Variants in DUOXA1 observed in about 807,000 individuals in gnomAD.
DUOXA1 encodes dual oxidase activator 1.
DUOXA1 carries 19 observed loss-of-function variants against 26.6 expected under a neutral mutation model. The observed-to-expected ratio is 0.71, with a 90% CI of 0.50 to 1.05. The LOEUF is 1.05. Ranked by LOEUF, DUOXA1 falls within the 50% of genes least tolerant of loss-of-function variation. The pLI, the probability that DUOXA1 is intolerant of heterozygous loss-of-function variation, is 0.00. For synonymous variants in DUOXA1, 166 were observed against 177.0 expected (o/e 0.94, Z 0.49); for missense variants, 403 against 427.5 (o/e 0.94, Z 0.51).
intron 6 of DUOXA1, 64 bp downstream of exon 6, chr15:45,121,023 C>T: frequency 6.2e-7 from 1 of 1,607,322 alleles, no homozygotes; most frequent in Non-Finnish European, 8.5e-7. Flanking sequence ...TTTGACCACA[C>T]CAAACATAGA....
Position 45,119,172 on chromosome 15 carries a change from T to C in DUOXA1, c.966A>G (p.Ser322=). 2 of 1,611,796 alleles carry C rather than the reference T, an allele frequency of 1.2e-6. No homozygotes were observed. Among genetic ancestry groups the C allele is most frequent in the Non-Finnish European group, 8.5e-7 (1 of 1,178,028 alleles). ...AGTATGCCTTGGTGGAGGAAGCCTC[T>C]GACAGGGGAATGTCCTGGGACTTGG... ...DSPKSQDIPL[S]EASSTKAYCK... The change falls in exon 9 of 9, where the codon TCA becomes TCG. Residue 322 remains serine (S), a synonymous_variant. Coordinates refer to ENST00000560572, the MANE Select transcript of DUOXA1 (RefSeq NM_001276266.2).
rs1358761772 is a variant in DUOXA1, at chr15:45,121,150, C to A, written c.277G>T (p.Glu93Ter). 6.2e-7 allele frequency: 1 copy of A among 1,614,074 alleles called. No homozygotes were observed. Among genetic ancestry groups the A allele is most frequent in the Non-Finnish European group, 8.5e-7 (1 of 1,180,034 alleles). The change falls in exon 6 of 9, where the codon GAG (glutamate) becomes TAG (stop). Residue 93 changes from glutamate to a stop codon, truncating the protein, a stop_gained. Coordinates refer to ENST00000560572, the MANE Select transcript of DUOXA1 (RefSeq NM_001276266.2). LOFTEE classifies it high-confidence loss of function. Reference protein sequence around the residue: ...TNTSYKAFSSEWISADIGLQV... With the variant: ...TNTSYKAFSS ...AGCCCAATATCAGCGCTGATCCACTCAGAACTGAAGGCCTTGTATGATGTG... is the reference window on the plus strand; with the variant it reads ...AGCCCAATATCAGCGCTGATCCACTAAGAACTGAAGGCCTTGTATGATGTG...
intron 4 of DUOXA1, 38 bp from the exon 5 acceptor site, chr15:45,122,280 T>C (rs1297271942): frequency 6.4e-7 from 1 of 1,571,980 alleles, no homozygotes; most frequent in Non-Finnish European, 8.7e-7. Flanking sequence ...AAAGAGTGCC[T>C]TCCTTCCACA....
chr15:45,119,008 G>C lies in DUOXA1; in HGVS notation c.*98C>G. The C allele has an allele frequency of 4.7e-6, 7 of 1,487,030 alleles. No individual in the cohort carries two copies. Among genetic ancestry groups the C allele is most frequent in the Non-Finnish European group, 6.3e-6 (7 of 1,119,100 alleles). 92.1% of individuals were successfully genotyped at this position (1,487,030 alleles called of 1,614,324 possible). On this transcript the variant is annotated 3_prime_UTR_variant, in exon 9 of 9. Transcript: ENST00000560572. ...TCTGTAGATTGGTGCTGGGTGTCTG[G>C]TAACAGCCACCCTGAGGGCAGTTCT...
At chr15:45,123,468 T>C (rs1391721497) in intron 3 of DUOXA1, among the ~76,000 whole-genome samples, 1 of 152,202 alleles carries the variant, frequency 6.6e-6, no homozygotes, top group Non-Finnish European at 1.5e-5. Flanking sequence ...TGGTACAGAT[T>C]ACAAAAAGAT....
At chr15:45,124,433 A>C (rs1895505889) in intron 3 of DUOXA1, among the ~76,000 whole-genome samples, 1 of 152,184 alleles carries the variant, frequency 6.6e-6, no homozygotes, top group Non-Finnish European at 1.5e-5. Context: ...CTCTTTCTTC[A>C]ATCTCTTTTT....
At position 45,120,581 on chromosome 15, in the gene DUOXA1, C is replaced by A. The variant is rs374208931; in HGVS notation, c.554+11G>T. The A allele has an allele frequency of 1.2e-6, 2 of 1,613,904 alleles. No homozygotes were observed. The highest frequency in any genetic ancestry group is 2.2e-5 in the South Asian group (2 of 91,068). ...ACCAGGGCCTCCACCCCGTCTCCTT[C>A]CCATCCTCACCATAGCATGGCTGAG... is the stretch of plus-strand genomic sequence containing the variant. On this transcript the variant is annotated intron_variant, in intron 7 of 8. Transcript: ENST00000560572.
At chr15:45,119,668 G>A (rs1188252717) in intron 8 of DUOXA1, among the ~76,000 whole-genome samples, 1 of 152,130 alleles carries the variant, frequency 6.6e-6, no homozygotes, top group Non-Finnish European at 1.5e-5. Flanking sequence ...GAAGGGCAGG[G>A]CACAGAGGAG....
chr15:45,121,036 C>T, intron 6 of DUOXA1, 51 bp downstream of exon 6: 1 of 1,611,020 alleles, frequency 6.2e-7, no homozygotes, highest in Middle Eastern at 1.7e-4. Flanking sequence ...AACATAGATC[C>T]CAAAGATGGC....
rs1215562470 is a variant in DUOXA1, at chr15:45,123,056, A to G, written c.-29-13T>C. 6.4e-7 allele frequency: 1 copy of G among 1,564,426 alleles called. No homozygotes were observed. The highest frequency in any genetic ancestry group is 1.8e-5 in the Admixed American group (1 of 55,076). On this transcript the variant is annotated splice_polypyrimidine_tract_variant and intron_variant, in intron 3 of 8. Coordinates refer to ENST00000560572, the MANE Select transcript of DUOXA1 (RefSeq NM_001276266.2). ...AGGGGGGGCAATGCTGTACAACAACAATAGACATTTATTGCATGCCCTCAA... is the reference window on the plus strand; with the variant it reads ...AGGGGGGGCAATGCTGTACAACAACGATAGACATTTATTGCATGCCCTCAA...
chr15:45,117,490 G>T lies in DUOXA1; in HGVS notation c.*1616C>A. 1 of 1,551,922 alleles carries T rather than the reference G, an allele frequency of 6.4e-7. No homozygotes were observed. The highest frequency in any genetic ancestry group is 1.2e-5 in the South Asian group (1 of 84,204). On this transcript the variant is annotated 3_prime_UTR_variant, in exon 9 of 9. Transcript: ENST00000560572. ...AAAAGTGGGGGGCTCAGAAGGGTTTGGTGTCTTGCCGTGTTTCATGTAATT... is the reference window on the plus strand; with the variant it reads ...AAAAGTGGGGGGCTCAGAAGGGTTTTGTGTCTTGCCGTGTTTCATGTAATT...
rs1224134101 is a variant in DUOXA1, at chr15:45,122,995, G to A, written c.20C>T (p.Thr7Ile). 1 of 1,611,778 alleles carries A rather than the reference G, an allele frequency of 6.2e-7. No homozygotes were observed. The highest frequency in any genetic ancestry group is 8.5e-7 in the Non-Finnish European group (1 of 1,178,914). Residue 7 changes from threonine (T) to isoleucine (I), a missense_variant, in exon 4 of 9, where the codon ACA becomes ATA. Physicochemically the swap from Thr to Ile is moderately conservative, Grantham distance 89. Coordinates refer to ENST00000560572, the MANE Select transcript of DUOXA1 (RefSeq NM_001276266.2). ...CTTGGGGCCAGCATAGAAGGGGAAT[G>A]TGTGTCCCAAAGTAGCCATCTTGGT... MATLGH[T>I]FPFYAGPKPT...
rs750438741 is a variant in DUOXA1 at position 45,117,767 on chromosome 15, G to A, written c.*1339C>T. On this transcript the variant is annotated 3_prime_UTR_variant, in exon 9 of 9. Coordinates refer to ENST00000560572, the MANE Select transcript of DUOXA1 (RefSeq NM_001276266.2). Reference sequence around the variant, plus strand: ...GCCGTGGTGAGTCTCCAGTATGTTCGGCCCAGCGCTCTTCGCACCCTTCTG... The same window carrying A: ...GCCGTGGTGAGTCTCCAGTATGTTCAGCCCAGCGCTCTTCGCACCCTTCTG... The A allele has an allele frequency of 2.5e-6, 4 of 1,613,772 alleles. No homozygotes were observed. In the South Asian group the frequency reaches 4.4e-5, roughly 18 times the overall value.
rs144108742 is a variant in DUOXA1, at chr15:45,121,055, C to T, written c.340+32G>A. 1.9e-5 allele frequency: 30 copies of T among 1,612,592 alleles called. No individual in the cohort carries two copies. In the East Asian group the frequency reaches 6.5e-4, roughly 35 times the overall value. The stretch of plus-strand genomic sequence containing the variant: ...TAGATCCCAAAGATGGCAGAGCCTT[C>T]CCCCCCACCACAGGTAAGAGCCCTC... On this transcript the variant is annotated intron_variant, in intron 6 of 8. Coordinates refer to ENST00000560572, the MANE Select transcript of DUOXA1 (RefSeq NM_001276266.2).
rs766645763 is a variant in DUOXA1, at chr15:45,122,938, C to T, written c.77G>A (p.Ser26Asn). 18 of 1,613,252 alleles carry T rather than the reference C, an allele frequency of 1.1e-5. No homozygotes were observed. Among genetic ancestry groups the T allele is most frequent in the Admixed American group, 6.7e-5 (4 of 59,970 alleles). Residue 26 changes from serine (S) to asparagine (N), a missense_variant, in exon 4 of 9, where the codon AGC (serine) becomes AAC (asparagine). Transcript: ENST00000560572. ...PTFPMDTTLASIIMIFLTALA... is the reference protein window; with the variant it reads ...PTFPMDTTLANIIMIFLTALA... ...TGCAGTCAGAAAGATCATGATGATGCTGGCCAAAGTGGTGTCCATCGGGAA... is the reference window on the plus strand; with the variant it reads ...TGCAGTCAGAAAGATCATGATGATGTTGGCCAAAGTGGTGTCCATCGGGAA...
chr15:45,123,073 T>C, intron 3 of DUOXA1, 30 bp from the exon 4 acceptor site: 2 of 1,534,752 alleles, frequency 1.3e-6, no homozygotes, highest in Non-Finnish European at 8.8e-7. Flanking sequence ...ATTTATTGCA[T>C]GCCCTCAATG....
chr15:45,119,351 GC>G lies in DUOXA1; in HGVS notation c.786del (p.Leu263CysfsTer17), dbSNP rs1191884895. On this transcript the variant is annotated frameshift_variant, in exon 9 of 9. Transcript: ENST00000560572. LOFTEE classifies it low-confidence loss of function (END_TRUNC). Reference protein sequence around the residue: ...WITLTTGLLCVLLGLAMAVAH... With the variant: ...WITLTTGLLCXLLGLAMAVAH... ...GCCACCGCCATAGCCAGGCCCAGCAGCACACACAGCAGTCCTGGAGATGAGG... is the reference window on the plus strand; with the variant it reads ...GCCACCGCCATAGCCAGGCCCAGCAGACACACAGCAGTCCTGGAGATGAGG... The G allele has an allele frequency of 1.2e-6, 2 of 1,611,526 alleles. No individual in the cohort carries two copies. The highest frequency in any genetic ancestry group is 2.2e-5 in the South Asian group (2 of 90,854).
At chr15:45,119,813 G>A (rs1267571868) in intron 8 of DUOXA1, among the ~76,000 whole-genome samples, 1 of 151,986 alleles carries the variant, frequency 6.6e-6, no homozygotes, top group Non-Finnish European at 1.5e-5. Context: ...TTTGGAGGAA[G>A]CAAGAGGGGA....
intron 3 of DUOXA1, among the ~76,000 whole-genome samples, chr15:45,124,099 G>C (rs1270585309): frequency 6.6e-6 from 1 of 152,042 alleles, no homozygotes; most frequent in Non-Finnish European, 1.5e-5. Flanking sequence ...ATTTCATGCA[G>C]TGTGATCTGT....
Sources: allele counts gnomAD v4.1 joint callset (sites outside exome capture counted in the v4.1 genomes callset), GRCh38; gene constraint gnomAD v4.1.1; transcripts MANE v1.5; gene names NCBI Gene and HGNC (gene_info 2026-07-23, HGNC 2026-07-21).